The following DLG2 variants were observed in gnomAD, a reference collection of about 807,000 sequenced individuals.
DLG2 encodes disks large homolog 2.
A neutral mutation model predicts 132.5 loss-of-function variants in DLG2; 45 were observed. That is an observed-to-expected ratio of 0.34 (90% CI 0.27 to 0.44). The LOEUF (loss-of-function observed/expected upper bound fraction) is 0.44, where lower values mean the gene tolerates loss of function less well. Among genes scored for constraint, DLG2 ranks in the 20% least tolerant of loss-of-function variants. The pLI is 1.00. For synonymous variants in DLG2, 424 were observed against 419.6 expected, an observed-to-expected ratio of 1.01 and a Z score of -0.13; for missense variants, 1,045 against 1,196.9, an observed-to-expected ratio of 0.87 and a Z score of 1.87.
At chr11:84,715,594 T>A (rs1015793365) in intron 6 of DLG2, among the ~76,000 whole-genome samples, 7 of 152,144 alleles carry the variant, frequency 4.6e-5, no homozygotes, top group Non-Finnish European at 8.8e-5. Context: ...ACTTTTTTTT[T>A]ACATTCCACA....
intron 20 of DLG2, among the ~76,000 whole-genome samples, chr11:83,537,888 A>G (rs1333792976): frequency 6.6e-6 from 1 of 151,320 alleles, no homozygotes; most frequent in Non-Finnish European, 1.5e-5. Flanking sequence ...TATACACTAC[A>G]TAATCTCAGA....
At chr11:84,470,650 G>T (rs2099106093) in intron 7 of DLG2, among the ~76,000 whole-genome samples, 1 of 151,718 alleles carries the variant, frequency 6.6e-6, no homozygotes, top group Admixed American at 6.6e-5. Flanking sequence ...TGCATAAATG[G>T]TAAGGACCAT....
intron 6 of DLG2, among the ~76,000 whole-genome samples, chr11:84,537,526 G>A (rs1170695962): frequency 6.6e-6 from 1 of 152,020 alleles, no homozygotes; most frequent in Non-Finnish European, 1.5e-5. Context: ...ATAAAATTTT[G>A]ACCATTTTAA....
chr11:84,477,869 T>C (rs1412902557), intron 7 of DLG2, among the ~76,000 whole-genome samples: 1 of 152,334 alleles, frequency 6.6e-6, no homozygotes, highest in Non-Finnish European at 1.5e-5. Flanking sequence ...GGTGGCAGTA[T>C]TAGTGGCAGT....
At chr11:85,079,792 G>A (rs2067006944) in intron 6 of DLG2, among the ~76,000 whole-genome samples, 1 of 152,064 alleles carries the variant, frequency 6.6e-6, no homozygotes, top group African/African-American at 2.4e-5. Context: ...CACCACGCCT[G>A]GCTAATTTTT....
chr11:85,197,557 A>G (rs2081162633), intron 4 of DLG2, among the ~76,000 whole-genome samples: 1 of 152,184 alleles, frequency 6.6e-6, no homozygotes, highest in Non-Finnish European at 1.5e-5. Context: ...ACCTTAATTT[A>G]TATTTTCCTT....
rs962704941 is a variant in DLG2 at position 85,133,553 on chromosome 11, T to C, written c.282+21003A>G. ...ACTGCGGATTTGGAGGTTTAACTTA[T>C]AGAAAAGGGTTACATTTCTCCTTTT... is the stretch of plus-strand genomic sequence containing the variant. On this transcript the variant is annotated intron_variant, in intron 5 of 27. Transcript: ENST00000376104. 5.3e-5 allele frequency among the ~76,000 whole-genome samples: 8 copies of C among 152,192 alleles called. No individual in the cohort carries two copies. In the South Asian group the frequency reaches 6.2e-4, roughly 12 times the overall value.
chr11:84,507,319 G>A (rs7123506), intron 7 of DLG2, among the ~76,000 whole-genome samples: 22,232 of 152,204 alleles, frequency 0.15, 1,686 homozygotes, highest in South Asian at 0.26. Context: ...TAAATAATGT[G>A]TGACCAAAGT....
chr11:85,306,867 T>C (rs1442054103), intron 3 of DLG2, among the ~76,000 whole-genome samples: 1 of 152,178 alleles, frequency 6.6e-6, no homozygotes, highest in Non-Finnish European at 1.5e-5. Flanking sequence ...CCACCACGCC[T>C]GGCCAGTTTA....
At chr11:84,935,759 G>A (rs2048669774) in intron 6 of DLG2, among the ~76,000 whole-genome samples, 1 of 152,164 alleles carries the variant, frequency 6.6e-6, no homozygotes, top group African/African-American at 2.4e-5. Flanking sequence ...CGTCACTAAT[G>A]CTGAGATTAG....
At chr11:85,394,671 G>T (rs1276892139) in intron 3 of DLG2, among the ~76,000 whole-genome samples, 1 of 152,092 alleles carries the variant, frequency 6.6e-6, no homozygotes, top group East Asian at 1.9e-4. Flanking sequence ...ACTGAATAAG[G>T]CCCAGCCATT....
intron 4 of DLG2, among the ~76,000 whole-genome samples, chr11:85,244,273 A>T (rs1392781783): frequency 6.6e-6 from 1 of 151,966 alleles, no homozygotes. Context: ...GTGTGTTTTA[A>T]TGCTTCTGGG....
intron 6 of DLG2, among the ~76,000 whole-genome samples, chr11:84,666,931 T>A (rs2099700320): frequency 6.6e-6 from 1 of 152,124 alleles, no homozygotes; most frequent in African/African-American, 2.4e-5. Context: ...CTACTGAATA[T>A]CAGCTTCATT....
chr11:85,247,361 C>T (rs2076186176), intron 4 of DLG2, among the ~76,000 whole-genome samples: 4 of 152,074 alleles, frequency 2.6e-5, no homozygotes, highest in Non-Finnish European at 2.9e-5. Flanking sequence ...AAACTCAAAG[C>T]GGGATTCATT....
rs547654139 is a variant in DLG2 at position 85,128,479 on chromosome 11, G to A, written c.283-16744C>T. Reference sequence around the variant, plus strand: ...GTCAGAAAGTAGAGATTTACTTTTCGCAGTTCCACACTTTTTTCTGTTCTT... The same window carrying A: ...GTCAGAAAGTAGAGATTTACTTTTCACAGTTCCACACTTTTTTCTGTTCTT... On this transcript the variant is annotated intron_variant, in intron 5 of 27. Coordinates refer to ENST00000376104, the MANE Select transcript of DLG2 (RefSeq NM_001142699.3). Among the ~76,000 whole-genome samples, 17 of 152,160 alleles carry A rather than the reference G, an allele frequency of 1.1e-4. No individual in the cohort carries two copies. In the South Asian group the frequency reaches 2.3e-3, roughly 20 times the overall value.
chr11:84,317,207 A>G (rs1434771965), intron 7 of DLG2: 2 of 1,534,010 alleles, frequency 1.3e-6, no homozygotes, highest in Non-Finnish European at 1.8e-6. Context: ...CCTCCCTCAC[A>G]CCCCTTTCTT....
intron 4 of DLG2, among the ~76,000 whole-genome samples, chr11:85,250,709 T>A (rs2076356295): frequency 6.6e-6 from 1 of 152,154 alleles, no homozygotes; most frequent in South Asian, 2.1e-4. Context: ...CTAACTATAA[T>A]TCAATGTGAG....
chr11:84,359,630 A>G (rs1186181837), intron 7 of DLG2, among the ~76,000 whole-genome samples: 1 of 151,832 alleles, frequency 6.6e-6, no homozygotes, highest in Non-Finnish European at 1.5e-5. Flanking sequence ...CTTCCTTACA[A>G]ATGATTCTTC....
chr11:84,151,017 T>C (rs2095275407), intron 9 of DLG2, among the ~76,000 whole-genome samples: 1 of 152,176 alleles, frequency 6.6e-6, no homozygotes, highest in Non-Finnish European at 1.5e-5. Flanking sequence ...GCTAGTATTT[T>C]GTTGAGAATT....
Sources: gnomAD v4.1 joint callset for allele counts (sites outside exome capture counted in the v4.1 genomes callset) on GRCh38, gnomAD v4.1.1 for gene constraint, MANE v1.5 for transcripts, NCBI Gene and HGNC (gene_info 2026-07-23, HGNC 2026-07-21) for gene names.